SV2C: variants seen among roughly 807,000 people sequenced by gnomAD.
SV2C encodes the protein solute carrier family 22 member B3.
In SV2C, 49 loss-of-function variants were observed where a neutral mutation model predicts 79.7. The ratio of observed to expected loss-of-function variants is 0.61; its 90% confidence interval spans 0.49 to 0.78. The LOEUF (loss-of-function observed/expected upper bound fraction) is 0.78. Ranked by LOEUF, SV2C falls within the 30% of genes least tolerant of loss-of-function variation. The probability of loss-of-function intolerance (pLI) is 0.00; values close to 1 mark genes in which losing one functional copy is unlikely to be tolerated. For synonymous variants in SV2C, 334 were observed against 333.2 expected, an observed-to-expected ratio of 1.00 and a Z score of -0.03; for missense variants, 833 against 912.9, an observed-to-expected ratio of 0.91 and a Z score of 1.13.
At position 76,204,648 on chromosome 5, in the gene SV2C, A is replaced by G. The variant is rs76793496; in HGVS notation, c.762-5088A>G. Among the ~76,000 whole-genome samples, 1,321 of 152,312 alleles carry G rather than the reference A, an allele frequency of 8.7e-3. 13 individuals are homozygous for G. Among genetic ancestry groups the G allele is most frequent in the Admixed American group, 0.02 (307 of 15,296 alleles). On this transcript the variant is annotated intron_variant, in intron 3 of 12. Coordinates refer to ENST00000502798, the MANE Select transcript of SV2C (RefSeq NM_014979.4). ...GTAGAATCCCTTCTCAAGACAAAGA[A>G]TCATCAAACATTCCATAATTTCTCT...
intron 6 of SV2C, among the ~76,000 whole-genome samples, chr5:76,289,893 A>G (rs1316867207): frequency 4.6e-5 from 7 of 152,096 alleles, no homozygotes; most frequent in Non-Finnish European, 8.8e-5. Context: ...TTTCCTTCCC[A>G]TCTTTTATAG....
the SV2C span, among the ~76,000 whole-genome samples, chr5:76,041,936 A>C: frequency 6.6e-6 from 1 of 152,070 alleles, no homozygotes; most frequent in African/African-American, 2.4e-5. Context: ...AACTCCCCCC[A>C]AAATCCAGAA....
At chr5:75,867,955 G>T in the SV2C span, among the ~76,000 whole-genome samples, 2 of 152,218 alleles carry the variant, frequency 1.3e-5, no homozygotes, top group Admixed American at 6.5e-5. Flanking sequence ...TCTCAAGGGG[G>T]TGCATAGTCT....
At chr5:76,039,946 C>T in the SV2C span, among the ~76,000 whole-genome samples, 1 of 152,012 alleles carries the variant, frequency 6.6e-6, no homozygotes, top group African/African-American at 2.4e-5. Flanking sequence ...GTATCATTGT[C>T]TAACTCATTA....
the SV2C span, among the ~76,000 whole-genome samples, chr5:75,972,658 A>AT: frequency 6.6e-6 from 1 of 152,150 alleles, no homozygotes; most frequent in Admixed American, 6.5e-5. Flanking sequence ...AATGGCGATC[A>AT]TTAAACAGTC....
the SV2C span, among the ~76,000 whole-genome samples, chr5:75,913,421 G>T: frequency 6.6e-6 from 1 of 152,190 alleles, no homozygotes; most frequent in East Asian, 1.9e-4. Context: ...AGGGTCCCAG[G>T]CAGGTGAGCT....
the SV2C span, among the ~76,000 whole-genome samples, chr5:75,862,834 C>T: frequency 6.6e-6 from 1 of 152,146 alleles, no homozygotes; most frequent in African/African-American, 2.4e-5. Context: ...AAAGAGAAGA[C>T]GTGATAATCG....
the SV2C span, among the ~76,000 whole-genome samples, chr5:75,967,664 A>G: frequency 6.6e-6 from 1 of 152,256 alleles, no homozygotes; most frequent in South Asian, 2.1e-4. Flanking sequence ...AGATAAACAA[A>G]GTGGCCAGGA....
At chr5:75,898,714 G>A in the SV2C span, among the ~76,000 whole-genome samples, 1 of 152,018 alleles carries the variant, frequency 6.6e-6, no homozygotes, top group Non-Finnish European at 1.5e-5. Context: ...CTTTTTGGTT[G>A]GTAAGCTATT....
chr5:76,144,280 C>G (rs1580303202), intron 2 of SV2C, among the ~76,000 whole-genome samples: 1 of 51,108 alleles, frequency 2.0e-5, no homozygotes, highest in Non-Finnish European at 8.8e-5. Context: ...AACAGTGAAG[C>G]TGACAGCTGA....
chr5:75,890,722 A>C, the SV2C span, among the ~76,000 whole-genome samples: 1 of 152,010 alleles, frequency 6.6e-6, no homozygotes, highest in South Asian at 2.1e-4. Context: ...GAATTGCCCT[A>C]AGCTAGAATG....
chr5:76,030,326 T>G, the SV2C span, among the ~76,000 whole-genome samples: 2 of 142,718 alleles, frequency 1.4e-5, no homozygotes, highest in African/African-American at 2.6e-5. Flanking sequence ...TGGAAAAGTT[T>G]CCATCTCATT....
At chr5:75,931,856 T>G in the SV2C span, among the ~76,000 whole-genome samples, 12 of 152,152 alleles carry the variant, frequency 7.9e-5, no homozygotes, top group African/African-American at 2.9e-4. Context: ...TCTTTGTGCT[T>G]CTTCTGTATA....
chr5:75,862,460 A>G, the SV2C span, among the ~76,000 whole-genome samples: 1 of 152,246 alleles, frequency 6.6e-6, no homozygotes, highest in African/African-American at 2.4e-5. Flanking sequence ...ATCAGAAAAA[A>G]TACATCTAAT....
At chr5:75,901,484 AGTCT>A in the SV2C span, among the ~76,000 whole-genome samples, 2 of 152,156 alleles carry the variant, frequency 1.3e-5, no homozygotes, top group African/African-American at 4.8e-5. Flanking sequence ...GTGAGGTGTC[AGTCT>A]GCCCCTACTG....
the SV2C span, chr5:75,920,640 TGGG>T: frequency 2.0e-6 from 1 of 508,228 alleles, no homozygotes; most frequent in Non-Finnish European, 3.5e-6. Flanking sequence ...GAGTGGGTGG[TGGG>T]GGGTGGGTGG....
chr5:76,213,552 C>G (rs139815674), intron 4 of SV2C, among the ~76,000 whole-genome samples: 33 of 152,284 alleles, frequency 2.2e-4, no homozygotes, highest in African/African-American at 7.2e-4. Flanking sequence ...AAATCAGATT[C>G]TCTGGACAAG....
chr5:76,074,482 T>C, the SV2C span, among the ~76,000 whole-genome samples: 1 of 152,226 alleles, frequency 6.6e-6, no homozygotes, highest in Non-Finnish European at 1.5e-5. Flanking sequence ...GATTCAGTTA[T>C]TGGCCTATAA....
intron 11 of SV2C, 35 bp downstream of exon 11, chr5:76,300,967 G>T (rs1184873539): frequency 6.2e-7 from 1 of 1,609,828 alleles, no homozygotes. Context: ...TAAAAGAGCT[G>T]CCCCTGCAAT....
Sources: allele counts gnomAD v4.1 joint callset (sites outside exome capture counted in the v4.1 genomes callset), GRCh38; gene constraint gnomAD v4.1.1; transcripts MANE v1.5; gene names NCBI Gene and HGNC (gene_info 2026-07-23, HGNC 2026-07-21).